TNS3: variants seen among roughly 807,000 people sequenced by gnomAD.
The protein encoded by TNS3 is tensin-3.
Under a neutral mutation model 140.9 loss-of-function variants are expected in TNS3, and 45 were observed. That is an observed-to-expected ratio of 0.32 (90% CI 0.25 to 0.41). The LOEUF (loss-of-function observed/expected upper bound fraction) is 0.41. Ranked by LOEUF, TNS3 falls within the 10% of genes least tolerant of loss-of-function variation. The pLI is 1.00. For synonymous variants in TNS3, 815 were observed against 788.4 expected, an observed-to-expected ratio of 1.03 and a Z score of -0.56; for missense variants, 1,716 against 1,906.7, an observed-to-expected ratio of 0.90 and a Z score of 1.86.
At chr7:47,411,898 G>C in intron 12 of TNS3, 96 bp from the exon 13 acceptor site, 1 of 1,127,618 alleles carries the variant, frequency 8.9e-7, no homozygotes, top group Non-Finnish European at 1.3e-6. Flanking sequence ...CCAAAACTCA[G>C]AAATTACACA....
At chr7:47,572,390 A>T (rs1800577627) in intron 1 of TNS3, among the ~76,000 whole-genome samples, 1 of 152,250 alleles carries the variant, frequency 6.6e-6, no homozygotes, top group Admixed American at 6.5e-5. Flanking sequence ...CTTCGTGGGA[A>T]GAGGAAAATG....
At chr7:47,381,549 T>C (rs939500139) in intron 16 of TNS3, among the ~76,000 whole-genome samples, 11 of 152,194 alleles carry the variant, frequency 7.2e-5, no homozygotes, top group Admixed American at 4.6e-4. Context: ...TTCTGATGCC[T>C]TCAGGTTCCC....
chr7:47,500,948 C>T (rs1432702186), intron 3 of TNS3, among the ~76,000 whole-genome samples: 5 of 152,046 alleles, frequency 3.3e-5, no homozygotes, highest in African/African-American at 4.8e-5. Context: ...AATAGCCAGG[C>T]GTGTTGGCAC....
chr7:47,481,191 A>G, intron 3 of TNS3, 50 bp from the exon 4 acceptor site: 1 of 1,270,354 alleles, frequency 7.9e-7, no homozygotes, highest in Middle Eastern at 2.2e-4. Flanking sequence ...CCAGGAAAAA[A>G]TTAGCATAAT....
intron 21 of TNS3, among the ~76,000 whole-genome samples, chr7:47,303,796 G>A (rs1013526983): frequency 1.3e-5 from 2 of 152,238 alleles, no homozygotes; most frequent in Non-Finnish European, 1.5e-5. Flanking sequence ...ATGCCTGGAT[G>A]CTGCAGCCCG....
intron 13 of TNS3, chr7:47,405,472 T>C: frequency 2.8e-6 from 2 of 702,708 alleles, no homozygotes; most frequent in Admixed American, 2.0e-5. Flanking sequence ...GGTCAAAGAC[T>C]TAAGTCAGGC....
chr7:47,406,705 C>T (rs907822157), intron 13 of TNS3, among the ~76,000 whole-genome samples: 1 of 152,140 alleles, frequency 6.6e-6, no homozygotes, highest in Non-Finnish European at 1.5e-5. Flanking sequence ...GCTTTCTGCT[C>T]GTTAGGATCC....
chr7:47,464,633 C>T (rs1447532768), intron 4 of TNS3, among the ~76,000 whole-genome samples: 1 of 152,144 alleles, frequency 6.6e-6, no homozygotes, highest in Non-Finnish European at 1.5e-5. Context: ...TGAGTGGGCA[C>T]AAAGAGTTTG....
intron 3 of TNS3, among the ~76,000 whole-genome samples, chr7:47,483,359 T>C (rs1360136163): frequency 2.0e-5 from 3 of 151,918 alleles, no homozygotes; most frequent in African/African-American, 7.3e-5. Context: ...TTAGTAGAGA[T>C]GGGGTTTCAC....
At chr7:47,481,380 A>G (rs1196769225) in intron 3 of TNS3, 1 of 329,144 alleles carries the variant, frequency 3.0e-6, no homozygotes, top group South Asian at 2.6e-5. Flanking sequence ...CTCCCCTTCC[A>G]GAAAAATGCA....
chr7:47,581,906 C>T (rs1200342730), intron 1 of TNS3, 145 bp downstream of exon 1: 1 of 150,562 alleles, frequency 6.6e-6, no homozygotes, highest in Admixed American at 6.6e-5. Flanking sequence ...CCGCGCTCCC[C>T]GAACTCAGTC....
At chr7:47,494,967 A>C (rs887547405) in intron 3 of TNS3, among the ~76,000 whole-genome samples, 1 of 152,166 alleles carries the variant, frequency 6.6e-6, no homozygotes, top group Admixed American at 6.5e-5. Context: ...GGCTGAAAAA[A>C]AGAAGAAATG....
Position 47,507,525 on chromosome 7 carries a change from G to A in TNS3, c.-152-581C>T, listed in dbSNP as rs565758162. ...GAACTGACTGTCAGAATAAATTCAT[G>A]TCTAAATTCCTATAGGAGAATCCTT... On this transcript the variant is annotated intron_variant, in intron 2 of 30. Coordinates refer to ENST00000311160, the MANE Select transcript of TNS3 (RefSeq NM_022748.12). Among the ~76,000 whole-genome samples the A allele has an allele frequency of 4.6e-5, 7 of 152,296 alleles. 1 individual carries two copies. Among genetic ancestry groups the A allele is most frequent in the South Asian group, 2.1e-4 (1 of 4,822 alleles).
intron 20 of TNS3, among the ~76,000 whole-genome samples, chr7:47,327,856 G>A (rs745680382): frequency 6.6e-6 from 1 of 152,052 alleles, no homozygotes; most frequent in Non-Finnish European, 1.5e-5. Flanking sequence ...CCCTCCACTG[G>A]AGCCCAGGAG....
chr7:47,544,810 T>C (rs1799877600), intron 1 of TNS3, among the ~76,000 whole-genome samples: 1 of 152,018 alleles, frequency 6.6e-6, no homozygotes, highest in African/African-American at 2.4e-5. Context: ...GCCCCACCTA[T>C]TCTAACCGAA....
At chr7:47,371,146 G>T (rs1042330657) in intron 16 of TNS3, among the ~76,000 whole-genome samples, 3 of 152,072 alleles carry the variant, frequency 2.0e-5, no homozygotes, top group Non-Finnish European at 2.9e-5. Flanking sequence ...GGGGAGGAAG[G>T]GTCTGGGAGT....
At chr7:47,554,148 G>T (rs1800133692) in intron 1 of TNS3, among the ~76,000 whole-genome samples, 1 of 150,754 alleles carries the variant, frequency 6.6e-6, no homozygotes, top group South Asian at 2.1e-4. Context: ...GCCAGGTACA[G>T]TGGCTCACAC....
At chr7:47,375,329 G>A (rs1371545900) in intron 16 of TNS3, among the ~76,000 whole-genome samples, 1 of 152,192 alleles carries the variant, frequency 6.6e-6, no homozygotes, top group Non-Finnish European at 1.5e-5. Flanking sequence ...AAGGGAGGCT[G>A]TCCACTGTCT....
intron 9 of TNS3, among the ~76,000 whole-genome samples, chr7:47,425,138 G>A (rs1392312552): frequency 6.6e-6 from 1 of 152,168 alleles, no homozygotes; most frequent in Non-Finnish European, 1.5e-5. Flanking sequence ...GGTCAACAGG[G>A]TGAAATCCCA....
Sources: allele counts gnomAD v4.1 joint callset (sites outside exome capture counted in the v4.1 genomes callset), GRCh38; gene constraint gnomAD v4.1.1; transcripts MANE v1.5; gene names NCBI Gene and HGNC (gene_info 2026-07-23, HGNC 2026-07-21).